The following NBEA variants were observed in gnomAD, a reference collection of about 807,000 sequenced individuals.
NBEA encodes the protein neurobeachin.
NBEA carries 44 observed loss-of-function variants against 343.4 expected under a neutral mutation model. The observed-to-expected ratio is 0.13, with a 90% CI of 0.10 to 0.16. NBEA has a LOEUF of 0.16. Among genes scored for constraint, NBEA ranks in the 10% least tolerant of loss-of-function variants. NBEA has a pLI of 1.00. For synonymous variants in NBEA, 1,175 were observed against 1,238.7 expected (o/e 0.95, Z 1.08); for missense variants, 2,555 against 3,631.3 (o/e 0.70, Z 7.62).
At chr13:35,657,494 A>G (rs924429168) in intron 55 of NBEA, among the ~76,000 whole-genome samples, 1 of 152,250 alleles carries the variant, frequency 6.6e-6, no homozygotes, top group Non-Finnish European at 1.5e-5. Context: ...CCATGTCCGT[A>G]AACAATTCAT....
chr13:35,044,715 G>T (rs1017539491), intron 2 of NBEA, among the ~76,000 whole-genome samples: 1 of 150,686 alleles, frequency 6.6e-6, no homozygotes, highest in African/African-American at 2.4e-5. Context: ...ATTTAATGGG[G>T]GAAAATCATG....
intron 34 of NBEA, among the ~76,000 whole-genome samples, chr13:35,249,267 C>A (rs571980510): frequency 1.3e-5 from 2 of 150,652 alleles, no homozygotes; most frequent in East Asian, 3.9e-4. Context: ...ATATATTGGA[C>A]TACATCAAAA....
At chr13:35,086,708 A>G (rs541442388) in intron 10 of NBEA, among the ~76,000 whole-genome samples, 5 of 151,980 alleles carry the variant, frequency 3.3e-5, no homozygotes, top group African/African-American at 7.2e-5. Context: ...TGGTAGTTCT[A>G]TTTTAACTCT....
intron 51 of NBEA, among the ~76,000 whole-genome samples, chr13:35,647,162 A>C (rs1209095321): frequency 6.6e-6 from 1 of 152,244 alleles, no homozygotes; most frequent in Non-Finnish European, 1.5e-5. Flanking sequence ...ATTAGCAAAT[A>C]GTAAACATTT....
intron 40 of NBEA, among the ~76,000 whole-genome samples, chr13:35,465,615 G>A (rs900881357): frequency 1.3e-5 from 2 of 152,130 alleles, no homozygotes; most frequent in Non-Finnish European, 2.9e-5. Context: ...TGAACTAAAT[G>A]TAATATAACT....
At chr13:35,109,238 A>G in intron 11 of NBEA, 52 bp from the exon 12 acceptor site, 1 of 1,456,232 alleles carries the variant, frequency 6.9e-7, no homozygotes, top group Non-Finnish European at 9.2e-7. Flanking sequence ...CAGAAATTAT[A>G]CAATTTGATA....
intron 40 of NBEA, among the ~76,000 whole-genome samples, chr13:35,467,418 C>T (rs1226266781): frequency 6.6e-6 from 1 of 151,670 alleles, no homozygotes; most frequent in Non-Finnish European, 1.5e-5. Context: ...TTGCAGTGAG[C>T]CAGAGATCAT....
chr13:35,535,538 A>G (rs186217214), intron 41 of NBEA, among the ~76,000 whole-genome samples: 2 of 152,152 alleles, frequency 1.3e-5, no homozygotes, highest in Admixed American at 1.3e-4. Flanking sequence ...CTGAGGGTTC[A>G]CTAAGGTCTG....
intron 32 of NBEA, among the ~76,000 whole-genome samples, chr13:35,210,553 C>T (rs1262985069): frequency 6.6e-6 from 1 of 152,084 alleles, no homozygotes; most frequent in Non-Finnish European, 1.5e-5. Context: ...AGGGAAGACT[C>T]ATTATTTTAA....
chr13:35,618,481 A>G (rs1052319867), intron 48 of NBEA, among the ~76,000 whole-genome samples: 8 of 152,186 alleles, frequency 5.3e-5, no homozygotes, highest in Non-Finnish European at 7.3e-5. Flanking sequence ...ACATGTATGT[A>G]ATTGGTTAGA....
At chr13:35,196,881 G>C (rs924629403) in intron 31 of NBEA, among the ~76,000 whole-genome samples, 2 of 151,984 alleles carry the variant, frequency 1.3e-5, no homozygotes, top group African/African-American at 4.8e-5. Context: ...ATTTTTGAAA[G>C]GTATTTTGGC....
At chr13:35,616,814 T>A (rs1359288488) in intron 48 of NBEA, among the ~76,000 whole-genome samples, 1 of 152,230 alleles carries the variant, frequency 6.6e-6, no homozygotes, top group Non-Finnish European at 1.5e-5. Flanking sequence ...AAGAACTGAC[T>A]TCTGTTTATA....
rs1351366534 is a variant in NBEA, at chr13:35,541,155, T to C, written c.6586-9322T>C. ...TTTTTCACCTCTCTGCTTCTTACAA[T>C]ATATGCACACACAGTCTGTGTCCGT... On this transcript the variant is annotated intron_variant, in intron 41 of 58. Coordinates refer to ENST00000379939, the MANE Select transcript of NBEA (RefSeq NM_001385012.1). 2.0e-5 allele frequency among the ~76,000 whole-genome samples: 3 copies of C among 151,998 alleles called. No individual in the cohort carries two copies. In the East Asian group the frequency reaches 5.8e-4, roughly 29 times the overall value.
intron 4 of NBEA, among the ~76,000 whole-genome samples, chr13:35,047,360 T>C (rs773629738): frequency 6.6e-6 from 1 of 151,994 alleles, no homozygotes; most frequent in East Asian, 1.9e-4. Flanking sequence ...TGGCTAGATA[T>C]GCAAATACAG....
chr13:35,346,136 C>G (rs1039818202), intron 36 of NBEA, among the ~76,000 whole-genome samples: 1 of 152,130 alleles, frequency 6.6e-6, no homozygotes, highest in African/African-American at 2.4e-5. Flanking sequence ...ACCCCCACAG[C>G]CATGCTGCTT....
Position 35,452,152 on chromosome 13 carries a change from A to G in NBEA, c.6365A>G (p.Gln2122Arg). ...TTCAGAAGTCAAGCAATAGTGAACC[A>G]AAATGCAGAGACAGAACTTATGCTG... is the stretch of plus-strand genomic sequence containing the variant. Reference protein sequence around the residue: ...KTFRSQAIVNQNAETELMLEG... With the variant: ...KTFRSQAIVNRNAETELMLEG... Residue 2122 changes from glutamine to arginine, a missense_variant, in exon 40 of 59, where the codon CAA becomes CGA. Physicochemically the swap from Gln to Arg is conservative, Grantham distance 43 (BLOSUM62 1). Transcript: ENST00000379939. 2 of 1,611,408 alleles carry G rather than the reference A, an allele frequency of 1.2e-6. No individual in the cohort carries two copies. The highest frequency in any genetic ancestry group is 1.7e-6 in the Non-Finnish European group (2 of 1,178,370).
intron 37 of NBEA, among the ~76,000 whole-genome samples, chr13:35,351,519 G>T (rs112990106): frequency 6.6e-6 from 1 of 151,922 alleles, no homozygotes. Flanking sequence ...TATGGGAAAA[G>T]GAAGGTAAGA....
chr13:35,378,631 G>T (rs1267861364), intron 38 of NBEA, among the ~76,000 whole-genome samples: 1 of 151,948 alleles, frequency 6.6e-6, no homozygotes, highest in Non-Finnish European at 1.5e-5. Context: ...AAAAGGCAAA[G>T]AGGCATGACT....
chr13:35,654,574 G>A (rs992458138), intron 53 of NBEA, among the ~76,000 whole-genome samples: 3 of 152,104 alleles, frequency 2.0e-5, no homozygotes, highest in Non-Finnish European at 4.4e-5. Flanking sequence ...TTAAAATATT[G>A]TATTATGTTT....
Sources: allele counts gnomAD v4.1 joint callset (sites outside exome capture counted in the v4.1 genomes callset), GRCh38; gene constraint gnomAD v4.1.1; transcripts MANE v1.5; gene names NCBI Gene and HGNC (gene_info 2026-07-23, HGNC 2026-07-21).